SEMA3A: variants seen among roughly 807,000 people sequenced by gnomAD.
SEMA3A encodes semaphorin-3A.
Under a neutral mutation model 97.9 loss-of-function variants are expected in SEMA3A, and 29 were observed. That is an observed-to-expected ratio of 0.30 (90% CI 0.22 to 0.40). The LOEUF (loss-of-function observed/expected upper bound fraction) is 0.40, where lower values mean the gene tolerates loss of function less well. SEMA3A is among the 10% of genes least tolerant of loss of function. The pLI is 1.00. For missense variants in SEMA3A, 763 were observed against 951.3 expected (o/e 0.80, Z 2.60); for synonymous variants, 321 against 323.7 (o/e 0.99, Z 0.09).
At chr7:84,195,024 A>AGAGAGAGAGAGAGAGAAAGAG (rs1798179833), upstream of SEMA3A, 11 of 140,654 alleles carry the variant, frequency 7.8e-5, no homozygotes, top group Non-Finnish European at 1.7e-4. Flanking sequence ...GAGAGAGAGA[A>AGAGAGAGAGAGAGAGAAAGAG]AGAGAGAGAG....
intron 1 of SEMA3A, among the ~76,000 whole-genome samples, chr7:84,380,838 G>C (rs952914613): frequency 6.6e-6 from 1 of 152,126 alleles, no homozygotes; most frequent in Non-Finnish European, 1.5e-5. Context: ...CAGCAACAGG[G>C]AGTTCAATGT....
At chr7:84,369,848 A>G (rs1368849093) in intron 2 of SEMA3A, among the ~76,000 whole-genome samples, 2 of 150,564 alleles carry the variant, frequency 1.3e-5, no homozygotes, top group Non-Finnish European at 3.0e-5. Flanking sequence ...AATTAGTAAT[A>G]TAAATATTAC....
chr7:84,043,688 G>T (rs1424651393), intron 6 of SEMA3A, among the ~76,000 whole-genome samples: 1 of 151,986 alleles, frequency 6.6e-6, no homozygotes, highest in Non-Finnish European at 1.5e-5. Flanking sequence ...GAGTCCCTTG[G>T]TTCTATCCCA....
At chr7:83,962,483 T>A (rs1788512068) in intron 16 of SEMA3A, among the ~76,000 whole-genome samples, 1 of 152,188 alleles carries the variant, frequency 6.6e-6, no homozygotes, top group Non-Finnish European at 1.5e-5. Context: ...CTGATTAAAA[T>A]GTCAAAAGAT....
intron 4 of SEMA3A, among the ~76,000 whole-genome samples, chr7:84,077,127 A>G (rs1458192290): frequency 1.3e-5 from 2 of 152,144 alleles, no homozygotes; most frequent in Non-Finnish European, 2.9e-5. Flanking sequence ...AGTCCAGAAC[A>G]TGAACAATTT....
At chr7:84,200,798 C>T (rs1584118465) in intron 3 of SEMA3A, among the ~76,000 whole-genome samples, 2 of 141,708 alleles carry the variant, frequency 1.4e-5, no homozygotes, top group Non-Finnish European at 1.5e-5. Flanking sequence ...GTTTTTTTTC[C>T]TTTTTTTTTT....
At chr7:84,100,238 A>T (rs1419568847) in intron 4 of SEMA3A, among the ~76,000 whole-genome samples, 1 of 152,112 alleles carries the variant, frequency 6.6e-6, no homozygotes, top group Non-Finnish European at 1.5e-5. Flanking sequence ...GTGTGCACTA[A>T]GTATTTCTGA....
At chr7:84,464,213 C>T (rs1805934261) in intron 1 of SEMA3A, among the ~76,000 whole-genome samples, 1 of 152,126 alleles carries the variant, frequency 6.6e-6, no homozygotes. Context: ...TAAAGTAATG[C>T]TAGCCATATT....
intron 4 of SEMA3A, among the ~76,000 whole-genome samples, chr7:84,067,119 A>C (rs922364415): frequency 6.6e-6 from 1 of 152,218 alleles, no homozygotes; most frequent in Non-Finnish European, 1.5e-5. Flanking sequence ...ATAACGCTGC[A>C]TATCTACAAG....
chr7:84,191,456 G>A (rs1167370216), intron 1 of SEMA3A, among the ~76,000 whole-genome samples: 5 of 151,564 alleles, frequency 3.3e-5, no homozygotes, highest in Admixed American at 2.6e-4. Flanking sequence ...ATTGGATGAT[G>A]GAATATTTGT....
chr7:84,418,922 CAT>C (rs113016834), intron 1 of SEMA3A, among the ~76,000 whole-genome samples: 21 of 151,416 alleles, frequency 1.4e-4, no homozygotes, highest in Non-Finnish European at 1.9e-4. Context: ...CATAAATACA[CAT>C]ATATATATAC....
At chr7:84,259,635 G>T (rs754624521) in intron 3 of SEMA3A, among the ~76,000 whole-genome samples, 5 of 151,892 alleles carry the variant, frequency 3.3e-5, no homozygotes, top group Admixed American at 6.6e-5. Flanking sequence ...GAATATTTAT[G>T]GTACTGGGAA....
At chr7:84,441,947 CAA>C (rs1421276843) in intron 1 of SEMA3A, among the ~76,000 whole-genome samples, 3 of 151,966 alleles carry the variant, frequency 2.0e-5, no homozygotes, top group Non-Finnish European at 4.4e-5. Context: ...CCCAGATAAA[CAA>C]AAGTTGATGG....
chr7:84,053,230 G>A (rs1246374214), intron 5 of SEMA3A, among the ~76,000 whole-genome samples: 5 of 106,120 alleles, frequency 4.7e-5, no homozygotes, highest in African/African-American at 1.1e-4. Context: ...TATTAGGTAC[G>A]CTTGGCGCAG....
chr7:84,193,438 G>A (rs1461619088), intron 1 of SEMA3A, among the ~76,000 whole-genome samples: 5 of 151,964 alleles, frequency 3.3e-5, no homozygotes, highest in African/African-American at 1.2e-4. Context: ...CTTAATTAGA[G>A]CTTCTCACTG....
chr7:84,346,702 A>C (rs1802308515), intron 2 of SEMA3A, among the ~76,000 whole-genome samples: 1 of 152,212 alleles, frequency 6.6e-6, no homozygotes, highest in Non-Finnish European at 1.5e-5. Flanking sequence ...AGTAACATCA[A>C]AGATTACTGA....
intron 9 of SEMA3A, among the ~76,000 whole-genome samples, chr7:84,009,040 A>C (rs935364688): frequency 6.6e-6 from 1 of 152,166 alleles, no homozygotes; most frequent in Non-Finnish European, 1.5e-5. Context: ...TGACATAAAG[A>C]GGTGAAATTA....
rs187269954 is a variant in SEMA3A at position 84,043,170 on chromosome 7, G to A, written c.667+3154C>T. Among the ~76,000 whole-genome samples, 3 of 151,996 alleles carry A rather than the reference G, an allele frequency of 2.0e-5. No homozygotes were observed. The East Asian group carries it at 5.8e-4, about 29-fold the overall frequency. Reference sequence around the variant, plus strand: ...TAACTAATGAAGATGTTTTAAGAACGTTATTACATGTTAAAATGTAAAATA... The same window carrying A: ...TAACTAATGAAGATGTTTTAAGAACATTATTACATGTTAAAATGTAAAATA... On this transcript the variant is annotated intron_variant, in intron 6 of 16. Coordinates refer to ENST00000265362, the MANE Select transcript of SEMA3A (RefSeq NM_006080.3).
intron 1 of SEMA3A, among the ~76,000 whole-genome samples, chr7:84,479,048 A>T (rs1286924418): frequency 1.3e-5 from 2 of 152,172 alleles, no homozygotes; most frequent in Admixed American, 1.3e-4. Flanking sequence ...TGGAAAATAC[A>T]TTAGTAACTA....
Sources: gnomAD v4.1 joint callset for allele counts (sites outside exome capture counted in the v4.1 genomes callset) on GRCh38, gnomAD v4.1.1 for gene constraint, MANE v1.5 for transcripts, NCBI Gene and HGNC (gene_info 2026-07-23, HGNC 2026-07-21) for gene names.